Variants in STAU2 observed in about 807,000 individuals in gnomAD.
The protein encoded by STAU2 is staufen double-stranded RNA binding protein 2, also known as double-stranded RNA-binding protein Staufen homolog 2.
A neutral mutation model predicts 65.9 loss-of-function variants in STAU2; 20 were observed. The observed-to-expected ratio is 0.30, with a 90% CI of 0.21 to 0.44. STAU2 has a LOEUF of 0.44. STAU2 is among the 20% of genes least tolerant of loss of function. STAU2 has a pLI of 1.00. For missense variants in STAU2, 558 were observed against 683.9 expected (o/e 0.82, Z 2.05); for synonymous variants, 232 against 233.9 (o/e 0.99, Z 0.07).
At chr8:73,465,131 GA>G (rs1468582637) in intron 13 of STAU2, among the ~76,000 whole-genome samples, 1 of 152,166 alleles carries the variant, frequency 6.6e-6, no homozygotes, top group Non-Finnish European at 1.5e-5. Flanking sequence ...GAAGTCAGGT[GA>G]AAGAGAAATG....
intron 6 of STAU2, among the ~76,000 whole-genome samples, chr8:73,633,488 A>G (rs1392930781): frequency 1.3e-5 from 2 of 152,224 alleles, no homozygotes; most frequent in African/African-American, 4.8e-5. Context: ...GAAAGGATGC[A>G]TGTGAGATCT....
chr8:73,606,008 TAAAAAG>T (rs56148752), intron 9 of STAU2, among the ~76,000 whole-genome samples: 1,834 of 147,840 alleles, frequency 0.012, 32 homozygotes, highest in Non-Finnish European at 0.018. Context: ...TATTCATATG[TAAAAAG>T]AAAAAGAAAA....
intron 13 of STAU2, among the ~76,000 whole-genome samples, chr8:73,536,019 C>T (rs1806158424): frequency 6.6e-6 from 1 of 152,088 alleles, no homozygotes; most frequent in Non-Finnish European, 1.5e-5. Context: ...TCAGGAATTA[C>T]AGATTTTCAA....
intron 5 of STAU2, among the ~76,000 whole-genome samples, chr8:73,675,163 C>T (rs957620160): frequency 3.3e-5 from 5 of 151,940 alleles, no homozygotes; most frequent in African/African-American, 4.8e-5. Flanking sequence ...CATGCAAATA[C>T]ATGGAAATTA....
intron 3 of STAU2, among the ~76,000 whole-genome samples, chr8:73,722,134 T>C (rs1257439845): frequency 6.6e-6 from 1 of 152,210 alleles, no homozygotes; most frequent in Non-Finnish European, 1.5e-5. Flanking sequence ...AGTGATATTA[T>C]CACCTCACAC....
At chr8:73,570,502 C>G (rs202152537) in intron 12 of STAU2, among the ~76,000 whole-genome samples, 3 of 152,000 alleles carry the variant, frequency 2.0e-5, no homozygotes, top group African/African-American at 7.2e-5. Context: ...ACGGGAAGAA[C>G]GGAACCAAGT....
At chr8:73,721,287 CAA>C (rs35721754) in intron 3 of STAU2, among the ~76,000 whole-genome samples, 10 of 12,464 alleles carry the variant, frequency 8.0e-4, no homozygotes, top group African/African-American at 1.8e-3. Context: ...ACCCCACCTC[CAA>C]AAAAAAAAAA....
intron 12 of STAU2, among the ~76,000 whole-genome samples, chr8:73,555,176 G>C (rs1410801050): frequency 2.0e-5 from 3 of 152,212 alleles, no homozygotes; most frequent in African/African-American, 7.2e-5. Flanking sequence ...GCTCAGGGAA[G>C]GCTTGCTGGA....
At chr8:73,503,802 C>A (rs1164628803) in intron 13 of STAU2, among the ~76,000 whole-genome samples, 1 of 151,882 alleles carries the variant, frequency 6.6e-6, no homozygotes, top group Non-Finnish European at 1.5e-5. Flanking sequence ...GAAATGTTCC[C>A]CTAAATTTTA....
chr8:73,459,619 C>A lies in STAU2; in HGVS notation c.1531-36917G>T, dbSNP rs560217173. Among the ~76,000 whole-genome samples, 7 of 152,176 alleles carry A rather than the reference C, an allele frequency of 4.6e-5. No individual in the cohort carries two copies. In the East Asian group the frequency reaches 1.4e-3, roughly 29 times the overall value. On this transcript the variant is annotated intron_variant, in intron 13 of 14. Coordinates refer to ENST00000524300, the MANE Select transcript of STAU2 (RefSeq NM_001164380.2). ...CCTCCGCGAAGACCTCAACCAGCAG[C>A]CCTACCATGTGCAGAGCTCCCACTG...
chr8:73,689,607 T>C (rs1464904144), intron 4 of STAU2, among the ~76,000 whole-genome samples: 1 of 152,194 alleles, frequency 6.6e-6, no homozygotes, highest in African/African-American at 2.4e-5. Context: ...TGTATTTCCA[T>C]ATGAGCCCCC....
intron 11 of STAU2, among the ~76,000 whole-genome samples, chr8:73,592,109 A>G (rs1810861526): frequency 6.6e-6 from 1 of 151,818 alleles, no homozygotes; most frequent in South Asian, 2.1e-4. Context: ...AGGATAAAAT[A>G]AAGAGCAGAA....
intron 13 of STAU2, among the ~76,000 whole-genome samples, chr8:73,461,598 T>C (rs775142694): frequency 5.3e-5 from 8 of 152,108 alleles, no homozygotes; most frequent in South Asian, 2.1e-4. Flanking sequence ...AAGGAGAGGA[T>C]ACCACTTGCA....
At chr8:73,717,564 T>C (rs1198216885) in intron 3 of STAU2, among the ~76,000 whole-genome samples, 1 of 152,248 alleles carries the variant, frequency 6.6e-6, no homozygotes. Context: ...ATTAGTTATC[T>C]ACATATAAGG....
chr8:73,566,506 A>G (rs1178605269), intron 12 of STAU2, among the ~76,000 whole-genome samples: 1 of 152,230 alleles, frequency 6.6e-6, no homozygotes, highest in Non-Finnish European at 1.5e-5. Context: ...TATATAAAAC[A>G]TTCTTTCAAA....
At position 73,438,122 on chromosome 8, in the gene STAU2, A is replaced by G. The variant is rs554876339; in HGVS notation, c.1531-15420T>C. Among the ~76,000 whole-genome samples, 208 of 152,168 alleles carry G rather than the reference A, an allele frequency of 1.4e-3. 1 individual carries two copies. Among genetic ancestry groups the G allele is most frequent in the African/African-American group, 4.6e-3 (191 of 41,534 alleles). On this transcript the variant is annotated intron_variant, in intron 13 of 14. Transcript: ENST00000524300. Reference sequence around the variant, plus strand: ...CACTCTGTCTAGAGTGTGCCCCCCAACAAATCACAGGACTGTGCTTATTTC... The same window carrying G: ...CACTCTGTCTAGAGTGTGCCCCCCAGCAAATCACAGGACTGTGCTTATTTC...
chr8:73,624,647 G>A (rs1379417664), intron 6 of STAU2, among the ~76,000 whole-genome samples: 2 of 152,184 alleles, frequency 1.3e-5, no homozygotes, highest in Non-Finnish European at 2.9e-5. Flanking sequence ...AGCCCAGGCA[G>A]TCTCACTCCA....
chr8:73,700,233 T>C (rs1233865666), intron 4 of STAU2, among the ~76,000 whole-genome samples: 1 of 152,110 alleles, frequency 6.6e-6, no homozygotes. Flanking sequence ...GGGGAAAAAC[T>C]GAAAGCCTTT....
Position 73,530,279 on chromosome 8 carries a change from A to G in STAU2, c.1530+21733T>C, listed in dbSNP as rs181040043. ...CCTAATCTCAGTGAGATTTTCTCCTATTGGCCCATAACTGACACCAAGACT... is the reference window on the plus strand; with the variant it reads ...CCTAATCTCAGTGAGATTTTCTCCTGTTGGCCCATAACTGACACCAAGACT... On this transcript the variant is annotated intron_variant, in intron 13 of 14. Coordinates refer to ENST00000524300, the MANE Select transcript of STAU2 (RefSeq NM_001164380.2). Among the ~76,000 whole-genome samples, 23 of 152,300 alleles carry G rather than the reference A, an allele frequency of 1.5e-4. No homozygotes were observed. The East Asian group carries it at 4.2e-3, about 28-fold the overall frequency.
Sources: gnomAD v4.1 joint callset for allele counts (sites outside exome capture counted in the v4.1 genomes callset) on GRCh38, gnomAD v4.1.1 for gene constraint, MANE v1.5 for transcripts, NCBI Gene and HGNC (gene_info 2026-07-23, HGNC 2026-07-21) for gene names.